ABCA12: variants seen among roughly 807,000 people sequenced by gnomAD.
ABCA12 encodes the protein glucosylceramide transporter ABCA12.
A neutral mutation model predicts 293.5 loss-of-function variants in ABCA12; 156 were observed. The observed-to-expected ratio is 0.53, with a 90% confidence interval of 0.47 to 0.61. ABCA12 has a LOEUF of 0.61. ABCA12 is among the 20% of genes least tolerant of loss of function. The pLI is 0.00. For missense variants in ABCA12, 2,797 were observed against 3,090.2 expected, an observed-to-expected ratio of 0.91 and a Z score of 2.25; for synonymous variants, 1,063 against 1,108.0, an observed-to-expected ratio of 0.96 and a Z score of 0.81.
At chr2:214,947,186 TA>T (rs1698609416) in intron 48 of ABCA12, among the ~76,000 whole-genome samples, 1 of 152,238 alleles carries the variant, frequency 6.6e-6, no homozygotes, top group Non-Finnish European at 1.5e-5. Flanking sequence ...GGAAACGCAC[TA>T]AGCTATTGCT....
intron 11 of ABCA12, among the ~76,000 whole-genome samples, chr2:215,021,819 A>G (rs186030082): frequency 6.6e-6 from 1 of 152,272 alleles, no homozygotes; most frequent in Admixed American, 6.5e-5. Flanking sequence ...GTCATCTTAG[A>G]TAGTAAATAT....
chr2:214,964,835 T>C (rs1677944188), intron 39 of ABCA12, among the ~76,000 whole-genome samples: 1 of 152,176 alleles, frequency 6.6e-6, no homozygotes, highest in Non-Finnish European at 1.5e-5. Context: ...GCTATTCCCA[T>C]TAAACTACCA....
chr2:215,120,804 C>T (rs1000328900), intron 1 of ABCA12, among the ~76,000 whole-genome samples: 1 of 152,150 alleles, frequency 6.6e-6, no homozygotes, highest in Admixed American at 6.6e-5. Context: ...AATCTTTCTT[C>T]CCGTAACTAC....
chr2:215,107,944 C>A (rs1702495874), intron 2 of ABCA12, among the ~76,000 whole-genome samples: 1 of 152,134 alleles, frequency 6.6e-6, no homozygotes, highest in Non-Finnish European at 1.5e-5. Context: ...TGTGTTCTGG[C>A]CTTGCTCTTG....
At chr2:214,980,196 C>G (rs1389923296) in intron 31 of ABCA12, among the ~76,000 whole-genome samples, 1 of 152,164 alleles carries the variant, frequency 6.6e-6, no homozygotes. Flanking sequence ...TCTGAATGTG[C>G]AGTCCTCAGA....
intron 3 of ABCA12, among the ~76,000 whole-genome samples, chr2:215,061,531 A>C (rs1386460631): frequency 2.0e-5 from 3 of 152,076 alleles, no homozygotes; most frequent in African/African-American, 4.8e-5. Flanking sequence ...AAGCAATTTT[A>C]GTGGAATTGT....
chr2:215,068,204 A>G (rs1178964134), intron 2 of ABCA12, among the ~76,000 whole-genome samples: 3 of 152,186 alleles, frequency 2.0e-5, no homozygotes, highest in Non-Finnish European at 2.9e-5. Context: ...CTCCTTAATC[A>G]GAAACTCTGG....
At chr2:215,031,745 G>T in intron 9 of ABCA12, 76 bp downstream of exon 9, 2 of 1,572,158 alleles carry the variant, frequency 1.3e-6, no homozygotes, top group South Asian at 1.1e-5. Flanking sequence ...ACTGATAAGC[G>T]AATTATGTTT....
chr2:214,940,112 GCT>G (rs1370108426), intron 50 of ABCA12, among the ~76,000 whole-genome samples: 3 of 152,194 alleles, frequency 2.0e-5, no homozygotes, highest in African/African-American at 7.2e-5. Flanking sequence ...GTCATAAATA[GCT>G]CTCATTATTT....
chr2:214,940,659 CTAT>C (rs757218615), intron 50 of ABCA12, among the ~76,000 whole-genome samples: 26 of 152,098 alleles, frequency 1.7e-4, no homozygotes, highest in Non-Finnish European at 3.2e-4. Flanking sequence ...TGTTATTGGT[CTAT>C]TGAGGGATTT....
intron 2 of ABCA12, among the ~76,000 whole-genome samples, chr2:215,108,807 T>A (rs904195308): frequency 6.6e-6 from 1 of 152,146 alleles, no homozygotes; most frequent in African/African-American, 2.4e-5. Context: ...CGGTGACTCA[T>A]GCCTGTAATC....
chr2:215,027,652 T>A (rs1478164396), intron 9 of ABCA12, among the ~76,000 whole-genome samples: 1 of 151,934 alleles, frequency 6.6e-6, no homozygotes, highest in Admixed American at 6.6e-5. Context: ...ATCCCACGAG[T>A]CCTGCAATTT....
At chr2:215,066,712 G>A (rs1436245823) in intron 2 of ABCA12, among the ~76,000 whole-genome samples, 1 of 152,088 alleles carries the variant, frequency 6.6e-6, no homozygotes, top group East Asian at 1.9e-4. Flanking sequence ...TTTTTAACAT[G>A]TTACATGGGA....
intron 11 of ABCA12, among the ~76,000 whole-genome samples, chr2:215,021,115 T>C (rs13383776): frequency 1 from 152,057 of 152,358 alleles, 75,880 homozygotes; most frequent in East Asian, 1. Context: ...TCTCTGAGTG[T>C]TGGAATTACA....
At chr2:215,014,685 T>C (rs1403621911) in intron 15 of ABCA12, among the ~76,000 whole-genome samples, 1 of 152,204 alleles carries the variant, frequency 6.6e-6, no homozygotes, top group African/African-American at 2.4e-5. Context: ...TGCAGAAATA[T>C]AGGCATGAGA....
At chr2:215,030,835 G>T (rs937846837) in intron 9 of ABCA12, among the ~76,000 whole-genome samples, 3 of 152,094 alleles carry the variant, frequency 2.0e-5, no homozygotes, top group Non-Finnish European at 4.4e-5. Context: ...AACTATGTAC[G>T]TTCTATTTTA....
chr2:214,957,194 A>G (rs1285122623), intron 41 of ABCA12, among the ~76,000 whole-genome samples: 1 of 152,238 alleles, frequency 6.6e-6, no homozygotes, highest in East Asian at 1.9e-4. Context: ...CTTGGTTATC[A>G]GTGTGAACCA....
chr2:215,047,698 A>G (rs984796422), intron 6 of ABCA12, among the ~76,000 whole-genome samples: 1 of 152,198 alleles, frequency 6.6e-6, no homozygotes, highest in Non-Finnish European at 1.5e-5. Context: ...TTAAATGTAA[A>G]ACCCCAAATT....
intron 5 of ABCA12, among the ~76,000 whole-genome samples, chr2:215,051,637 T>C (rs1701323046): frequency 6.6e-6 from 1 of 150,704 alleles, no homozygotes; most frequent in African/African-American, 2.4e-5. Flanking sequence ...TGTGTGTGTG[T>C]GTGTGTGTGT....
Sources: gnomAD v4.1 joint callset for allele counts (sites outside exome capture counted in the v4.1 genomes callset) on GRCh38, gnomAD v4.1.1 for gene constraint, MANE v1.5 for transcripts, NCBI Gene and HGNC (gene_info 2026-07-23, HGNC 2026-07-21) for gene names.